The following MYO3A variants were observed in gnomAD, a reference collection of about 807,000 sequenced individuals.
The protein encoded by MYO3A is myosin-IIIa.
Under a neutral mutation model 192.7 loss-of-function variants are expected in MYO3A, and 180 were observed. That is an observed-to-expected ratio of 0.93 (90% CI 0.83 to 1.06). The LOEUF is 1.06. Ranked by LOEUF, MYO3A falls within the 50% of genes least tolerant of loss-of-function variation. The pLI is 0.00. For missense variants in MYO3A, 1,896 were observed against 1,905.0 expected (o/e 1.00, Z 0.09); for synonymous variants, 628 against 645.3 (o/e 0.97, Z 0.41).
intron 2 of MYO3A, among the ~76,000 whole-genome samples, chr10:25,939,858 A>C (rs986152707): frequency 3.0e-5 from 4 of 133,726 alleles, no homozygotes; most frequent in Non-Finnish European, 6.7e-5. Flanking sequence ...TTGTGAATTT[A>C]TTTCTTTATT....
At chr10:26,064,266 C>T (rs61849343) in intron 10 of MYO3A, among the ~76,000 whole-genome samples, 72,220 of 151,934 alleles carry the variant, frequency 0.48, 17,956 homozygotes, top group Middle Eastern at 0.59. Context: ...TTTACAGATA[C>T]CAAAGAAAAT....
chr10:25,935,230 C>T (rs533506015), intron 1 of MYO3A, among the ~76,000 whole-genome samples: 18 of 152,258 alleles, frequency 1.2e-4, no homozygotes, highest in African/African-American at 4.1e-4. Context: ...GAGAAACCTA[C>T]CAGGAAAGGA....
chr10:26,165,536 AC>A (rs1463071790), intron 26 of MYO3A, among the ~76,000 whole-genome samples: 4 of 152,170 alleles, frequency 2.6e-5, no homozygotes, highest in Admixed American at 6.5e-5. Flanking sequence ...GGATAGATTA[AC>A]CAATAGAGCA....
At chr10:25,942,587 T>C (rs1441230702) in intron 2 of MYO3A, among the ~76,000 whole-genome samples, 1 of 152,234 alleles carries the variant, frequency 6.6e-6, no homozygotes, top group African/African-American at 2.4e-5. Flanking sequence ...TCTACAACAT[T>C]AACAACACTG....
intron 26 of MYO3A, among the ~76,000 whole-genome samples, chr10:26,162,209 C>A (rs532409674): frequency 6.6e-6 from 1 of 152,024 alleles, no homozygotes; most frequent in Non-Finnish European, 1.5e-5. Context: ...GAAAGAAGAC[C>A]GGGTATTTTT....
chr10:26,205,172 G>T (rs1397437907), intron 34 of MYO3A, among the ~76,000 whole-genome samples: 1 of 152,140 alleles, frequency 6.6e-6, no homozygotes, highest in African/African-American at 2.4e-5. Flanking sequence ...TATAGAACAT[G>T]ATGTTTTAAG....
At chr10:26,107,210 A>G (rs1431492811) in intron 17 of MYO3A, among the ~76,000 whole-genome samples, 6 of 152,140 alleles carry the variant, frequency 3.9e-5, no homozygotes, top group Admixed American at 2.6e-4. Flanking sequence ...GGCTGGGCGC[A>G]GTGGCTCACG....
rs111253887 is a variant in MYO3A at position 25,987,050 on chromosome 10, A to G, written c.304-9440A>G. On this transcript the variant is annotated intron_variant, in intron 4 of 34. Coordinates refer to ENST00000642920, the MANE Select transcript of MYO3A (RefSeq NM_017433.5). ...GGAACAGAAGAGAGAACCTAGAAAT[A>G]AAGCCAAATACTTACAGCCAATTGA... 9.1e-4 allele frequency among the ~76,000 whole-genome samples: 138 copies of G among 152,338 alleles called. 1 individual carries two copies. The highest frequency in any genetic ancestry group is 3.0e-3 in the African/African-American group (125 of 41,574).
At chr10:26,138,653 G>T (rs958175276) in intron 20 of MYO3A, among the ~76,000 whole-genome samples, 2 of 152,150 alleles carry the variant, frequency 1.3e-5, no homozygotes, top group Non-Finnish European at 2.9e-5. Context: ...CCACAGAGAG[G>T]CAATGCAAGA....
intron 32 of MYO3A, among the ~76,000 whole-genome samples, chr10:26,196,319 T>C (rs1843404646): frequency 6.6e-6 from 1 of 152,256 alleles, no homozygotes; most frequent in African/African-American, 2.4e-5. Context: ...GTAAAAGACC[T>C]GAACTGAAGT....
chr10:25,998,670 C>T (rs1840599441), intron 6 of MYO3A, among the ~76,000 whole-genome samples: 1 of 152,104 alleles, frequency 6.6e-6, no homozygotes. Flanking sequence ...TGCTATTTAA[C>T]TTGGGATCTC....
intron 15 of MYO3A, 82 bp downstream of exon 15, chr10:26,088,487 C>A: frequency 7.4e-7 from 1 of 1,347,970 alleles, no homozygotes; most frequent in Non-Finnish European, 1.0e-6. Context: ...CTTTCTCATT[C>A]AATAAAATTT....
intron 10 of MYO3A, among the ~76,000 whole-genome samples, chr10:26,057,794 GT>G (rs1212161912): frequency 6.6e-6 from 1 of 152,194 alleles, no homozygotes; most frequent in Admixed American, 6.5e-5. Flanking sequence ...ATTGAAGAGA[GT>G]TTTTGTTTTT....
At chr10:26,129,722 T>C (rs1165490491) in intron 20 of MYO3A, among the ~76,000 whole-genome samples, 2 of 152,218 alleles carry the variant, frequency 1.3e-5, no homozygotes, top group Non-Finnish European at 2.9e-5. Context: ...TTCATTTTTG[T>C]CTTTCTCACT....
intron 15 of MYO3A, among the ~76,000 whole-genome samples, chr10:26,091,647 A>G (rs1430913138): frequency 1.3e-5 from 2 of 152,236 alleles, no homozygotes; most frequent in Admixed American, 6.5e-5. Context: ...CAATTACTCT[A>G]TGTCAGGCAC....
At position 26,212,121 on chromosome 10, in the gene MYO3A, C is replaced by A; in HGVS notation, c.*158C>A. ...TGCGCTCGGCCCTCAAGTGCCCGGG[C>A]CGGCCTTCGTGCTCCGAAACAAGAG... On this transcript the variant is annotated 3_prime_UTR_variant, in exon 35 of 35. Coordinates refer to ENST00000642920, the MANE Select transcript of MYO3A (RefSeq NM_017433.5). 1.7e-6 allele frequency: 2 copies of A among 1,143,340 alleles called. No homozygotes were observed. Among genetic ancestry groups the A allele is most frequent in the Non-Finnish European group, 2.4e-6 (2 of 839,432 alleles). The allele number at this position is 1,143,340 out of a possible 1,614,324, so 70.8% of individuals were successfully genotyped here. A position where few individuals can be genotyped will look rare whatever the true frequency, so the allele number is the denominator to read the frequency against.
chr10:26,166,162 C>A lies in MYO3A; in HGVS notation c.3095C>A (p.Ala1032Asp). 2 of 1,613,050 alleles carry A rather than the reference C, an allele frequency of 1.2e-6. No homozygotes were observed. The highest frequency in any genetic ancestry group is 8.5e-7 in the Non-Finnish European group (1 of 1,179,334). ...GAAAAAGCTGGTCTCGATAACTGGG[C>A]TCTTGGAAAAACAAAAGTAATGTTT... ...ILEKAGLDNW[A>D]LGKTKVFLKY... Residue 1032 changes from alanine to aspartate, a missense_variant, in exon 27 of 35, where the codon GCT (alanine) becomes GAT (aspartate). Physicochemically the swap from Ala to Asp is moderately radical, Grantham distance 126 (BLOSUM62 -2). Transcript: ENST00000642920.
intron 10 of MYO3A, among the ~76,000 whole-genome samples, chr10:26,030,082 A>T (rs1332264829): frequency 2.0e-5 from 3 of 152,022 alleles, no homozygotes; most frequent in Non-Finnish European, 4.4e-5. Flanking sequence ...CAGTTTTTTC[A>T]ATCTTTTTCC....
At chr10:26,194,903 A>G (rs1262860466) in intron 32 of MYO3A, among the ~76,000 whole-genome samples, 1 of 152,228 alleles carries the variant, frequency 6.6e-6, no homozygotes, top group African/African-American at 2.4e-5. Context: ...GTATAGAGAT[A>G]TATACACACA....
Sources: gnomAD v4.1 joint callset for allele counts (sites outside exome capture counted in the v4.1 genomes callset) on GRCh38, gnomAD v4.1.1 for gene constraint, MANE v1.5 for transcripts, NCBI Gene and HGNC (gene_info 2026-07-23, HGNC 2026-07-21) for gene names.